AFAP1: variants seen among roughly 807,000 people sequenced by gnomAD.
The protein encoded by AFAP1 is actin filament associated protein 1.
In AFAP1, 75 loss-of-function variants were observed where a neutral mutation model predicts 93.9. That is an observed-to-expected ratio of 0.80 (90% CI 0.66 to 0.97). The LOEUF (loss-of-function observed/expected upper bound fraction) is 0.97. Ranked by LOEUF, AFAP1 falls within the 50% of genes least tolerant of loss-of-function variation. AFAP1 has a pLI of 0.00. For missense variants in AFAP1, 1,201 were observed against 1,050.8 expected (o/e 1.14, Z -1.98); for synonymous variants, 517 against 430.7 (o/e 1.20, Z -2.48).
intron 8 of AFAP1, among the ~76,000 whole-genome samples, chr4:7,811,165 C>A (rs566094867): frequency 5.9e-5 from 9 of 152,332 alleles, no homozygotes; most frequent in African/African-American, 2.2e-4. Context: ...CTCACTGGAG[C>A]TGAGGGGACA....
rs778718329 is a variant in AFAP1, at chr4:7,774,777, T to C, written c.2024A>G (p.Glu675Gly). 2.5e-5 allele frequency: 40 copies of C among 1,614,104 alleles called. No individual in the cohort carries two copies. The highest frequency in any genetic ancestry group is 4.0e-5 in the African/African-American group (3 of 74,932). Residue 675 changes from glutamate to glycine, a missense_variant, in exon 15 of 18, where the codon GAA (glutamate) becomes GGA (glycine). Coordinates refer to ENST00000420658, the MANE Select transcript of AFAP1 (RefSeq NM_001134647.2). ...AATAGCCGCTCGAAGGTCTTTTCTTTCCTTGCGGAGCTGGGCCAGCCTATT... is the reference window on the plus strand; with the variant it reads ...AATAGCCGCTCGAAGGTCTTTTCTTCCCTTGCGGAGCTGGGCCAGCCTATT... ...LRNRLAQLRK[E>G]RKDLRAAIEV...
In AFAP1 at chr4:7,762,154, T is replaced by C. The variant is rs1393507187; in HGVS notation, c.*1611A>G. 1.3e-5 allele frequency: 2 copies of C among 152,260 alleles called. No individual in the cohort carries two copies. The highest frequency in any genetic ancestry group is 2.4e-5 in the African/African-American group (1 of 41,472). 9.4% of individuals were successfully genotyped at this position (152,260 alleles called of 1,614,324 possible). A position where few individuals can be genotyped will look rare whatever the true frequency, so the allele number is the denominator to read the frequency against. On this transcript the variant is annotated 3_prime_UTR_variant, in exon 18 of 18. Transcript: ENST00000420658. ...CCGCTTCAGTAATCCAACGTGGCCC[T>C]TGCAGGCCTCAAGCGCCACCACCTT...
At chr4:7,792,999 A>T (rs1192994339) in intron 11 of AFAP1, among the ~76,000 whole-genome samples, 3 of 152,224 alleles carry the variant, frequency 2.0e-5, no homozygotes, top group African/African-American at 7.2e-5. Context: ...ATGTCTTAGT[A>T]TATTATGAAA....
At chr4:7,779,505 T>C (rs1482182627) in intron 13 of AFAP1, among the ~76,000 whole-genome samples, 1 of 152,222 alleles carries the variant, frequency 6.6e-6, no homozygotes, top group Non-Finnish European at 1.5e-5. Flanking sequence ...ACGTTTTGCA[T>C]TTTGCTGAAG....
chr4:7,832,650 C>A (rs1425512728), intron 6 of AFAP1, among the ~76,000 whole-genome samples: 5 of 131,000 alleles, frequency 3.8e-5, no homozygotes, highest in Non-Finnish European at 6.3e-5. Context: ...CTAGAAAAAA[C>A]AATCCTAAAA....
chr4:7,819,225 G>T, intron 6 of AFAP1, 54 bp from the exon 7 acceptor site: 1 of 1,489,950 alleles, frequency 6.7e-7, no homozygotes, highest in South Asian at 1.3e-5. Flanking sequence ...GATACTTAAA[G>T]GCTTGAACTG....
chr4:7,888,623 T>C (rs1294550796), intron 1 of AFAP1, among the ~76,000 whole-genome samples: 1 of 152,130 alleles, frequency 6.6e-6, no homozygotes, highest in East Asian at 1.9e-4. Context: ...GCTTCACTAG[T>C]GAATTCTAGC....
intron 1 of AFAP1, among the ~76,000 whole-genome samples, chr4:7,876,035 C>T (rs116238156): frequency 3.9e-5 from 6 of 152,144 alleles, no homozygotes; most frequent in Non-Finnish European, 7.4e-5. Flanking sequence ...AAATTTTATA[C>T]TCAAAAAGGG....
rs376397846 is a variant in AFAP1, at chr4:7,888,876, C to T, written c.-2-16796G>A. Among the ~76,000 whole-genome samples, 7 of 152,056 alleles carry T rather than the reference C, an allele frequency of 4.6e-5. No individual in the cohort carries two copies. In the South Asian group the frequency reaches 8.3e-4, roughly 18 times the overall value. Reference sequence around the variant, plus strand: ...CATGATCTCGGCTCACTGCAACCTCCGCCTCCCAAGTTCAAGAGACTCTCC... The same window carrying T: ...CATGATCTCGGCTCACTGCAACCTCTGCCTCCCAAGTTCAAGAGACTCTCC... On this transcript the variant is annotated intron_variant, in intron 1 of 17. Transcript: ENST00000420658.
At chr4:7,901,594 C>T (rs73073948) in intron 1 of AFAP1, among the ~76,000 whole-genome samples, 2,882 of 152,228 alleles carry the variant, frequency 0.019, 51 homozygotes, top group South Asian at 0.069. Context: ...GAGAACCGCA[C>T]AGGAGGGAAA....
chr4:7,882,854 T>A (rs777858490), intron 1 of AFAP1, among the ~76,000 whole-genome samples: 4 of 150,536 alleles, frequency 2.7e-5, no homozygotes, highest in Admixed American at 6.6e-5. Flanking sequence ...CAAGACTCCA[T>A]CTCAAAAAGA....
At chr4:7,897,872 A>T (rs540648514) in intron 1 of AFAP1, among the ~76,000 whole-genome samples, 1 of 152,262 alleles carries the variant, frequency 6.6e-6, no homozygotes, top group South Asian at 2.1e-4. Context: ...CCTCAAATTT[A>T]GCATGCCCAA....
chr4:7,786,144 G>A, intron 12 of AFAP1, 50 bp downstream of exon 12: 1 of 1,541,732 alleles, frequency 6.5e-7, no homozygotes, highest in Non-Finnish European at 9.0e-7. Context: ...AATTTTCACA[G>A]CCTCGGCCTC....
Position 7,802,454 on chromosome 4 carries a change from G to A in AFAP1, c.1055-1801C>T, listed in dbSNP as rs77366528. Among the ~76,000 whole-genome samples, 1,353 of 152,254 alleles carry A rather than the reference G, an allele frequency of 8.9e-3. 12 individuals carry two copies. Among genetic ancestry groups the A allele is most frequent in the African/African-American group, 0.03 (1,256 of 41,552 alleles). ...GAGGCTTTACTTCTTGAAGGAGGAC[G>A]TTAACTCCCAGATAATGTGAAGTAT... On this transcript the variant is annotated intron_variant, in intron 9 of 17. Coordinates refer to ENST00000420658, the MANE Select transcript of AFAP1 (RefSeq NM_001134647.2).
intron 2 of AFAP1, among the ~76,000 whole-genome samples, chr4:7,869,280 T>C (rs117240616): frequency 1.3e-5 from 2 of 152,152 alleles, no homozygotes; most frequent in East Asian, 1.9e-4. Context: ...AAAGCACTCA[T>C]AGATGGAAAT....
At chr4:7,845,232 G>A (rs938440279) in intron 4 of AFAP1, among the ~76,000 whole-genome samples, 1 of 151,948 alleles carries the variant, frequency 6.6e-6, no homozygotes, top group Non-Finnish European at 1.5e-5. Flanking sequence ...GACCAAGCCT[G>A]GGCAACATAG....
At chr4:7,815,570 G>A (rs561007162) in intron 8 of AFAP1, among the ~76,000 whole-genome samples, 46 of 152,274 alleles carry the variant, frequency 3.0e-4, no homozygotes, top group African/African-American at 1.1e-3. Context: ...GGGAATACCT[G>A]CTCAAGATCA....
chr4:7,939,509 GCGCGGAGC>G lies in AFAP1; in HGVS notation c.-3+139_-3+146del, dbSNP rs1429461590. The G allele has an allele frequency of 5.1e-5, 17 of 334,524 alleles. No homozygotes were observed. The highest frequency in any genetic ancestry group is 8.7e-5 in the Non-Finnish European group (15 of 171,862). The allele number at this position is 334,524 out of a possible 1,614,324, so 20.7% of individuals were successfully genotyped here. ...GCGGGCCCACGCGGCGTCGCAGCAGGCGCGGAGCCCCCGGTACCACCCGAGGCCGAGAC... is the reference window on the plus strand; with the variant it reads ...GCGGGCCCACGCGGCGTCGCAGCAGGCCCCGGTACCACCCGAGGCCGAGAC... On this transcript the variant is annotated intron_variant, in intron 1 of 17. Transcript: ENST00000420658. The surrounding 1 kb of genome is among the most constrained non-coding windows in gnomAD (Gnocchi z 5.6).
rs930714053 is a variant in AFAP1 at position 7,797,070 on chromosome 4, AT to A, written c.1267-3245del. ...GTGAGACCTTGTCTCAAAAATAATAATTAATAATAATAATCTATGAATTCCC... is the reference window on the plus strand; with the variant it reads ...GTGAGACCTTGTCTCAAAAATAATAATAATAATAATAATCTATGAATTCCC... On this transcript the variant is annotated intron_variant, in intron 10 of 17. Transcript: ENST00000420658. 1.8e-4 allele frequency among the ~76,000 whole-genome samples: 9 copies of A among 48,704 alleles called. No homozygotes were observed. In the South Asian group the frequency reaches 4.2e-3, roughly 23 times the overall value. The allele number at this position is 48,704 out of a possible 152,430, so 32.0% of individuals were successfully genotyped here.
Sources: gnomAD v4.1 joint callset for allele counts (sites outside exome capture counted in the v4.1 genomes callset) on GRCh38, gnomAD v4.1.1 for gene constraint, Gnocchi (gnomAD v3.1) non-coding constraint, MANE v1.5 for transcripts, NCBI Gene and HGNC (gene_info 2026-07-23, HGNC 2026-07-21) for gene names.